Variants in ARHGAP24 observed in about 807,000 individuals in gnomAD.
ARHGAP24 encodes Rho GTPase activating protein 24.
A neutral mutation model predicts 76.4 loss-of-function variants in ARHGAP24; 50 were observed. The ratio of observed to expected loss-of-function variants is 0.65; its 90% CI spans 0.52 to 0.83. The LOEUF is 0.83. Ranked by LOEUF, ARHGAP24 falls within the 40% of genes least tolerant of loss-of-function variation. ARHGAP24 has a pLI of 0.00. For synonymous variants in ARHGAP24, 345 were observed against 323.3 expected (o/e 1.07, Z -0.72); for missense variants, 930 against 914.2 (o/e 1.02, Z -0.22).
At chr4:85,896,405 C>A (rs1367986850) in intron 3 of ARHGAP24, among the ~76,000 whole-genome samples, 1 of 152,170 alleles carries the variant, frequency 6.6e-6, no homozygotes, top group Non-Finnish European at 1.5e-5. Context: ...AACAATACTT[C>A]TTTTGTTTTA....
rs1182848063 is a variant in ARHGAP24, at chr4:85,865,516, A to G, written c.269-58132A>G. On this transcript the variant is annotated intron_variant, in intron 3 of 9. Coordinates refer to ENST00000395184, the MANE Select transcript of ARHGAP24 (RefSeq NM_001025616.3). ...AAATAATTTAAATAAAAAACAATAA[A>G]TAATTTTATTATTTATAAATCAAGA... Among the ~76,000 whole-genome samples, 6 of 147,608 alleles carry G rather than the reference A, an allele frequency of 4.1e-5. No homozygotes were observed. In the East Asian group the frequency reaches 1.2e-3, roughly 29 times the overall value.
chr4:85,534,061 CT>C (rs1308394305), intron 1 of ARHGAP24, among the ~76,000 whole-genome samples: 3 of 152,122 alleles, frequency 2.0e-5, no homozygotes, highest in Non-Finnish European at 4.4e-5. Flanking sequence ...GCATAATGAT[CT>C]GATGTACATG....
chr4:85,889,846 C>T (rs912060794), intron 3 of ARHGAP24, among the ~76,000 whole-genome samples: 12 of 152,106 alleles, frequency 7.9e-5, no homozygotes, highest in Admixed American at 2.6e-4. Context: ...CCCCCCTAAA[C>T]GCCTTATCTA....
At chr4:85,759,695 A>C (rs566341611) in intron 3 of ARHGAP24, among the ~76,000 whole-genome samples, 29 of 152,278 alleles carry the variant, frequency 1.9e-4, no homozygotes, top group Middle Eastern at 3.4e-3. Flanking sequence ...GTCTGGGGAA[A>C]TTAGGCTGTG....
intron 2 of ARHGAP24, among the ~76,000 whole-genome samples, chr4:85,591,137 C>G (rs980606570): frequency 7.0e-6 from 1 of 142,036 alleles, no homozygotes; most frequent in Non-Finnish European, 1.5e-5. Flanking sequence ...CTCTGCCTCC[C>G]GGGTTCAAGC....
In ARHGAP24 at chr4:85,570,518, C is replaced by T; in HGVS notation, c.-20-4C>T. The stretch of plus-strand genomic sequence containing the variant: ...ATTTTCCTTTCTTTTTGTTTGCTAA[C>T]TAGGAAAGTCCATCAGCTTGATAAT... On this transcript the variant is annotated splice_region_variant and splice_polypyrimidine_tract_variant and intron_variant, in intron 1 of 9. Coordinates refer to ENST00000395184, the MANE Select transcript of ARHGAP24 (RefSeq NM_001025616.3). 1.2e-6 allele frequency: 2 copies of T among 1,609,572 alleles called. No homozygotes were observed. The highest frequency in any genetic ancestry group is 8.5e-7 in the Non-Finnish European group (1 of 1,178,390).
chr4:85,536,893 G>T (rs931511764), intron 1 of ARHGAP24, among the ~76,000 whole-genome samples: 5 of 152,028 alleles, frequency 3.3e-5, no homozygotes, highest in African/African-American at 1.2e-4. Context: ...TAGGTCATAG[G>T]TGATTTTATA....
At chr4:85,560,944 A>C (rs1355443792) in intron 1 of ARHGAP24, among the ~76,000 whole-genome samples, 1 of 152,192 alleles carries the variant, frequency 6.6e-6, no homozygotes, top group Non-Finnish European at 1.5e-5. Context: ...CTTTGGTGTC[A>C]ATTTTAATGT....
intron 3 of ARHGAP24, among the ~76,000 whole-genome samples, chr4:85,737,891 A>T (rs187659763): frequency 6.6e-6 from 1 of 152,250 alleles, no homozygotes; most frequent in East Asian, 1.9e-4. Flanking sequence ...TGATTATATT[A>T]GTATTAAATT....
intron 1 of ARHGAP24, among the ~76,000 whole-genome samples, chr4:85,511,045 A>G (rs910456310): frequency 6.6e-6 from 1 of 152,258 alleles, no homozygotes; most frequent in Admixed American, 6.5e-5. Context: ...GGCCACCCAT[A>G]AAATACAAAG....
chr4:85,839,285 A>G (rs1730457674), intron 3 of ARHGAP24, among the ~76,000 whole-genome samples: 3 of 152,204 alleles, frequency 2.0e-5, no homozygotes, highest in African/African-American at 7.2e-5. Flanking sequence ...ATGCTGATTT[A>G]AATATGGATA....
intron 2 of ARHGAP24, among the ~76,000 whole-genome samples, chr4:85,631,730 AC>A (rs1444053314): frequency 6.6e-6 from 1 of 152,038 alleles, no homozygotes; most frequent in Non-Finnish European, 1.5e-5. Context: ...GCTTGTTCAA[AC>A]AAATGTATCT....
intron 3 of ARHGAP24, chr4:85,827,828 G>A: frequency 9.8e-7 from 1 of 1,019,568 alleles, no homozygotes; most frequent in Non-Finnish European, 1.3e-6. Context: ...TGGAGTCATG[G>A]GAGAAACTGC....
At chr4:85,784,945 ATCTATCTATCT>A (rs1560631938) in intron 3 of ARHGAP24, among the ~76,000 whole-genome samples, 1 of 135,588 alleles carries the variant, frequency 7.4e-6, no homozygotes, top group African/African-American at 2.7e-5. Flanking sequence ...CTATCTATCT[ATCTATCTATCT>A]ATCTCTCTAT....
At chr4:85,585,103 A>G (rs1308917462) in intron 2 of ARHGAP24, among the ~76,000 whole-genome samples, 1 of 152,198 alleles carries the variant, frequency 6.6e-6, no homozygotes, top group Admixed American at 6.5e-5. Context: ...GGGCATTTGC[A>G]GGTGGTTCCC....
chr4:85,537,886 C>T (rs1202430716), intron 1 of ARHGAP24, among the ~76,000 whole-genome samples: 2 of 152,184 alleles, frequency 1.3e-5, no homozygotes, highest in Admixed American at 1.3e-4. Flanking sequence ...CAACCTTTCA[C>T]TTGTATATTG....
intron 2 of ARHGAP24, among the ~76,000 whole-genome samples, chr4:85,682,317 T>C (rs1270360966): frequency 6.6e-6 from 1 of 152,278 alleles, no homozygotes; most frequent in Admixed American, 6.5e-5. Context: ...AATAGTATGC[T>C]AGTTTGCTCT....
rs571413410 is a variant in ARHGAP24, at chr4:85,720,921, G to A, written c.181-964G>A. 4.9e-4 allele frequency among the ~76,000 whole-genome samples: 74 copies of A among 152,252 alleles called. 1 individual carries two copies. In the South Asian group the frequency reaches 0.013, roughly 27 times the overall value. ...CACGCAGCTTGTGAGTCATGTAAGTGGAATGCTGGGTGCATCAACCAGGCT... is the reference window on the plus strand; with the variant it reads ...CACGCAGCTTGTGAGTCATGTAAGTAGAATGCTGGGTGCATCAACCAGGCT... On this transcript the variant is annotated intron_variant, in intron 2 of 9. Transcript: ENST00000395184.
At chr4:85,932,407 G>A (rs902665082) in intron 4 of ARHGAP24, among the ~76,000 whole-genome samples, 1 of 149,714 alleles carries the variant, frequency 6.7e-6, no homozygotes, top group Non-Finnish European at 1.5e-5. Flanking sequence ...TGAGATGTCT[G>A]GAGGATTATT....
Sources: allele counts gnomAD v4.1 joint callset (sites outside exome capture counted in the v4.1 genomes callset), GRCh38; gene constraint gnomAD v4.1.1; transcripts MANE v1.5; gene names NCBI Gene and HGNC (gene_info 2026-07-23, HGNC 2026-07-21).